ROBO2: variants seen among roughly 807,000 people sequenced by gnomAD.
ROBO2 encodes the protein roundabout homolog 2.
A neutral mutation model predicts 160.8 loss-of-function variants in ROBO2; 53 were observed. The observed-to-expected ratio is 0.33, with a 90% CI of 0.26 to 0.41. The LOEUF (loss-of-function observed/expected upper bound fraction) is 0.41. Among genes scored for constraint, ROBO2 ranks in the 10% least tolerant of loss-of-function variants. ROBO2 has a pLI of 1.00. For synonymous variants in ROBO2, 664 were observed against 611.7 expected (o/e 1.09, Z -1.26); for missense variants, 1,577 against 1,722.4 (o/e 0.92, Z 1.49).
chr3:77,041,624 G>A (rs916020972), intron 1 of ROBO2, among the ~76,000 whole-genome samples: 2 of 152,156 alleles, frequency 1.3e-5, no homozygotes, highest in African/African-American at 4.8e-5. Context: ...TCAATTTCTT[G>A]TGCGACTATT....
rs1312564282 is a variant in ROBO2 at position 77,010,168 on chromosome 3, AG to A, written c.110-87844del. ...AACTTGGTTGATTTCAGAAACACGG[AG>A]GATTGCCCATTCAAAATTCATATTA... On this transcript the variant is annotated intron_variant, in intron 2 of 26. Coordinates refer to the ROBO2 transcript ENST00000487694. Among the ~76,000 whole-genome samples the A allele has an allele frequency of 3.3e-5, 5 of 152,054 alleles. No homozygotes were observed. The East Asian group carries it at 9.7e-4, about 29-fold the overall frequency.
chr3:76,072,943 G>A (rs1270508596), intron 2 of ROBO2, among the ~76,000 whole-genome samples: 1 of 152,138 alleles, frequency 6.6e-6, no homozygotes, highest in Non-Finnish European at 1.5e-5. Context: ...GTACCTCCCA[G>A]GACAAATGAT....
At chr3:76,946,874 A>G (rs921604626) in intron 2 of ROBO2, among the ~76,000 whole-genome samples, 3 of 152,240 alleles carry the variant, frequency 2.0e-5, no homozygotes, top group African/African-American at 7.2e-5. Context: ...CCAGGCTGTA[A>G]GCCGGGGACA....
intron 2 of ROBO2, among the ~76,000 whole-genome samples, chr3:76,013,713 A>G (rs1237008): frequency 2.3e-3 from 264 of 114,302 alleles, no homozygotes; most frequent in Middle Eastern, 7.6e-3. Context: ...TGGCTTATGC[A>G]TGTAATCCCA....
intron 4 of ROBO2, among the ~76,000 whole-genome samples, chr3:77,492,271 A>G (rs1028553848): frequency 1.3e-5 from 2 of 152,180 alleles, no homozygotes; most frequent in Admixed American, 6.5e-5. Context: ...TTTAAATGAC[A>G]ATTTTTCCAG....
intron 7 of ROBO2, among the ~76,000 whole-genome samples, chr3:77,547,312 T>G (rs1295737092): frequency 6.6e-6 from 1 of 152,084 alleles, no homozygotes; most frequent in African/African-American, 2.4e-5. Flanking sequence ...ATTTTCCTTC[T>G]AAACTTTCTA....
At chr3:76,496,573 C>T (rs889928708) in intron 2 of ROBO2, among the ~76,000 whole-genome samples, 3 of 152,316 alleles carry the variant, frequency 2.0e-5, no homozygotes, top group Middle Eastern at 3.4e-3. Flanking sequence ...TACTTGATTT[C>T]CCAGTGTGGA....
chr3:77,297,167 T>A (rs571326991), intron 2 of ROBO2, among the ~76,000 whole-genome samples: 1 of 152,160 alleles, frequency 6.6e-6, no homozygotes, highest in South Asian at 2.1e-4. Context: ...CTGAGATGAG[T>A]TGTACTGCAG....
intron 2 of ROBO2, among the ~76,000 whole-genome samples, chr3:76,422,763 TA>T (rs1486534475): frequency 2.6e-5 from 4 of 152,202 alleles, no homozygotes; most frequent in African/African-American, 4.8e-5. Context: ...AAAAATAAAA[TA>T]GAAGTAAATA....
intron 2 of ROBO2, among the ~76,000 whole-genome samples, chr3:76,690,760 G>C (rs2092784888): frequency 1.3e-5 from 2 of 152,078 alleles, no homozygotes; most frequent in South Asian, 4.1e-4. Flanking sequence ...CTGGAACCTA[G>C]AAGATATCAT....
chr3:76,356,250 A>G (rs1340449537), intron 2 of ROBO2, among the ~76,000 whole-genome samples: 3 of 151,706 alleles, frequency 2.0e-5, no homozygotes, highest in Admixed American at 1.3e-4. Context: ...AGTCATGCAA[A>G]AGATAACAGG....
intron 2 of ROBO2, among the ~76,000 whole-genome samples, chr3:76,741,944 T>C (rs1389525990): frequency 3.9e-5 from 6 of 152,054 alleles, no homozygotes; most frequent in African/African-American, 1.4e-4. Context: ...AAGAGTTATG[T>C]CTATAGTTAT....
At chr3:76,643,752 C>T (rs1217977133) in intron 2 of ROBO2, among the ~76,000 whole-genome samples, 1 of 151,920 alleles carries the variant, frequency 6.6e-6, no homozygotes, top group Non-Finnish European at 1.5e-5. Context: ...TAACAGAAGC[C>T]TTTCCATTTA....
chr3:77,141,459 A>G (rs2076696098), intron 2 of ROBO2, among the ~76,000 whole-genome samples: 1 of 152,046 alleles, frequency 6.6e-6, no homozygotes, highest in Admixed American at 6.6e-5. Context: ...CCAGTTGTTC[A>G]CCTTCCATGA....
At position 76,218,419 on chromosome 3, in the gene ROBO2, G is replaced by A. The variant is rs1471372011; in HGVS notation, c.109+280817G>A. 2.0e-5 allele frequency among the ~76,000 whole-genome samples: 3 copies of A among 152,126 alleles called. No individual in the cohort carries two copies. The South Asian group carries it at 6.2e-4, about 32-fold the overall frequency. ...GATTGTATATCTAGAAAACCCCATT[G>A]TCTCAGCCCAAAATCTCCTTAAGCT... is the stretch of plus-strand genomic sequence containing the variant. On this transcript the variant is annotated intron_variant, in intron 2 of 26. Coordinates refer to the ROBO2 transcript ENST00000487694.
chr3:77,595,263 T>C (rs1329724084), intron 18 of ROBO2, 79 bp downstream of exon 19: 1 of 1,070,922 alleles, frequency 9.3e-7, no homozygotes, highest in Non-Finnish European at 1.4e-6. Flanking sequence ...AGCCTATTAT[T>C]GTAATAAATG....
intron 2 of ROBO2, among the ~76,000 whole-genome samples, chr3:77,219,937 G>A (rs1326055717): frequency 6.6e-6 from 1 of 151,358 alleles, no homozygotes; most frequent in Non-Finnish European, 1.5e-5. Context: ...ACATATCCAA[G>A]CAGAAGCATA....
At chr3:76,924,674 G>A (rs987779783) in intron 2 of ROBO2, among the ~76,000 whole-genome samples, 1 of 152,122 alleles carries the variant, frequency 6.6e-6, no homozygotes, top group African/African-American at 2.4e-5. Context: ...ACAGTGCTTT[G>A]CACAAACTCA....
At chr3:76,798,356 T>A (rs1242394934) in intron 2 of ROBO2, among the ~76,000 whole-genome samples, 1 of 151,652 alleles carries the variant, frequency 6.6e-6, no homozygotes, top group African/African-American at 2.4e-5. Flanking sequence ...ATGTTGAGCA[T>A]TTATGCAAAA....
Sources: allele counts gnomAD v4.1 joint callset (sites outside exome capture counted in the v4.1 genomes callset), GRCh38; gene constraint gnomAD v4.1.1; transcripts MANE v1.5; gene names NCBI Gene and HGNC (gene_info 2026-07-23, HGNC 2026-07-21).